ZNF280D: variants seen among roughly 807,000 people sequenced by gnomAD.
ZNF280D encodes the protein zinc finger protein 280D.
Under a neutral mutation model 94.7 loss-of-function variants are expected in ZNF280D, and 39 were observed. The observed-to-expected ratio is 0.41, with a 90% CI of 0.32 to 0.54. ZNF280D has a LOEUF of 0.54. Among genes scored for constraint, ZNF280D ranks in the 20% least tolerant of loss-of-function variants. ZNF280D has a pLI of 0.22. For synonymous variants in ZNF280D, 398 were observed against 377.6 expected (o/e 1.05, Z -0.63); for missense variants, 1,090 against 1,149.3 (o/e 0.95, Z 0.75).
intron 1 of ZNF280D, among the ~76,000 whole-genome samples, chr15:56,710,661 TA>T (rs141962435): frequency 0.046 from 7,023 of 152,040 alleles, 230 homozygotes; most frequent in South Asian, 0.15. Context: ...ATTTTTTCTA[TA>T]AAAAAAATTA....
intron 1 of ZNF280D, among the ~76,000 whole-genome samples, chr15:56,732,390 T>C (rs1274135401): frequency 6.6e-6 from 1 of 152,214 alleles, no homozygotes; most frequent in Admixed American, 6.5e-5. Context: ...AACAATGGTA[T>C]AAGCAAACCA....
Position 56,658,486 on chromosome 15 carries a change from G to A in ZNF280D, c.1995C>T (p.Ser665=). The A allele has an allele frequency of 6.4e-7, 1 of 1,561,414 alleles. No homozygotes were observed. Among genetic ancestry groups the A allele is most frequent in the Non-Finnish European group, 8.6e-7 (1 of 1,160,228 alleles). ...TTTTGCTTGGACGGTTACTATGAAA[G>A]CTGGAGAAACAAAAGAGATAGTAAA... The part of the protein sequence containing the change: ...CSKAYVNHMM[S]FHSNRPSKRF... Residue 665 remains serine (S), a splice_region_variant and synonymous_variant, in exon 17 of 22, where the codon AGC becomes AGT. Coordinates refer to ENST00000267807, the MANE Select transcript of ZNF280D (RefSeq NM_017661.4).
chr15:56,680,411 T>G (rs1476442344), intron 10 of ZNF280D, among the ~76,000 whole-genome samples: 3 of 152,222 alleles, frequency 2.0e-5, no homozygotes, highest in Non-Finnish European at 2.9e-5. Context: ...TCTTAAAATC[T>G]GTAAATATTA....
intron 20 of ZNF280D, among the ~76,000 whole-genome samples, chr15:56,636,462 A>G (rs142908609): frequency 2.5e-4 from 38 of 151,406 alleles, no homozygotes; most frequent in African/African-American, 9.2e-4. Flanking sequence ...CAAAGAGGCT[A>G]AAACTTAACT....
chr15:56,693,545 A>G lies in ZNF280D; in HGVS notation c.382-330T>C, dbSNP rs535195016. On this transcript the variant is annotated intron_variant, in intron 6 of 21. Transcript: ENST00000267807. ...TCAACTTCTTCAAGGTAAAAGAAAC[A>G]TAAATCAACTTATATATCAGTAAGA... 2.0e-3 allele frequency among the ~76,000 whole-genome samples: 309 copies of G among 152,216 alleles called. 3 individuals are homozygous for G. Among genetic ancestry groups the G allele is most frequent in the Middle Eastern group, 6.8e-3 (2 of 292 alleles).
intron 19 of ZNF280D, chr15:56,652,868 G>A (rs2053291203): frequency 1.0e-6 from 1 of 984,164 alleles, no homozygotes; most frequent in South Asian, 4.7e-5. Flanking sequence ...CAAATAGGCA[G>A]CTACACAAAA....
chr15:56,652,041 G>GAA (rs1323273747), intron 19 of ZNF280D, among the ~76,000 whole-genome samples: 1 of 92,422 alleles, frequency 1.1e-5, no homozygotes. Context: ...AGACAAATAA[G>GAA]AAAAAAAAAA....
intron 10 of ZNF280D, among the ~76,000 whole-genome samples, chr15:56,680,256 C>T (rs1292565795): frequency 6.6e-6 from 1 of 152,076 alleles, no homozygotes; most frequent in East Asian, 1.9e-4. Context: ...ATCAAGTTGC[C>T]TTCCCAGTTT....
At position 56,722,542 on chromosome 15, in the gene ZNF280D, T is replaced by C. The variant is rs113068472; in HGVS notation, c.-86+10916A>G. Among the ~76,000 whole-genome samples the C allele has an allele frequency of 6.4e-4, 98 of 152,296 alleles. 5 individuals are homozygous for C. The highest frequency in any genetic ancestry group is 2.2e-3 in the African/African-American group (91 of 41,564). On this transcript the variant is annotated intron_variant, in intron 1 of 21. Coordinates refer to ENST00000267807, the MANE Select transcript of ZNF280D (RefSeq NM_017661.4). The stretch of plus-strand genomic sequence containing the variant: ...TTCAACTAATAAATAAAATGTGGTG[T>C]ATCAAGAATGGCAATCATTAAAAAG...
intron 21 of ZNF280D, among the ~76,000 whole-genome samples, chr15:56,632,622 A>C (rs1302683175): frequency 2.0e-5 from 3 of 151,160 alleles, no homozygotes; most frequent in Non-Finnish European, 4.4e-5. Context: ...CAGCCTCCCA[A>C]GTAGCTAGGA....
chr15:56,660,634 T>A (rs1032671565), intron 16 of ZNF280D, among the ~76,000 whole-genome samples: 5 of 152,036 alleles, frequency 3.3e-5, no homozygotes, highest in Admixed American at 6.6e-5. Flanking sequence ...CTAAGAAAGG[T>A]TTTTTATTAC....
In ZNF280D at chr15:56,693,172, G is replaced by A; in HGVS notation, c.425C>T (p.Ser142Leu). The change falls in exon 7 of 22, where the codon TCA becomes TTA. Residue 142 changes from serine to leucine, a missense_variant. Ser to Leu is a moderately radical substitution (Grantham distance 145, BLOSUM62 -2). Around this residue, in one of 3 missense-constraint regions of ZNF280D, gnomAD observed 386 missense variants for 372.0 expected, o/e 1.04. Transcript: ENST00000267807. ...NSSRVVSNKS[S>L]ELLFDLTQDT... ...CTGGGTCAAGTCAAACAGTAACTCT[G>A]ATGACTTATTAGACACAACTCGTGA... 1 of 1,601,978 alleles carries A rather than the reference G, an allele frequency of 6.2e-7. No homozygotes were observed. The highest frequency in any genetic ancestry group is 8.5e-7 in the Non-Finnish European group (1 of 1,174,808).
At chr15:56,697,048 T>C (rs1349117424) in intron 6 of ZNF280D, among the ~76,000 whole-genome samples, 2 of 152,200 alleles carry the variant, frequency 1.3e-5, no homozygotes, top group African/African-American at 4.8e-5. Flanking sequence ...TAATGTTTTG[T>C]TTTTCTATTT....
intron 1 of ZNF280D, among the ~76,000 whole-genome samples, chr15:56,725,184 C>T (rs1268775273): frequency 6.6e-6 from 1 of 151,946 alleles, no homozygotes; most frequent in African/African-American, 2.4e-5. Flanking sequence ...ATAGACTGAT[C>T]ATCTTTGCTT....
chr15:56,663,153 C>T lies in ZNF280D; in HGVS notation c.1994+3242G>A, dbSNP rs1596395818. ...AAAAAATTATCTGAGCATGGTAGTG[C>T]ATGCCTGTAAGTCCCAGCTACTCAA... is the stretch of plus-strand genomic sequence containing the variant. On this transcript the variant is annotated intron_variant, in intron 16 of 21. Transcript: ENST00000267807. 2.6e-5 allele frequency among the ~76,000 whole-genome samples: 4 copies of T among 151,084 alleles called. No individual in the cohort carries two copies. In the South Asian group the frequency reaches 8.4e-4, roughly 32 times the overall value.
At chr15:56,676,553 AGT>A in intron 13 of ZNF280D, 115 bp downstream of exon 13, 2 of 815,420 alleles carry the variant, frequency 2.5e-6, no homozygotes, top group Non-Finnish European at 3.5e-6. Context: ...GTAAATTAAT[AGT>A]GTCATTTGGA....
At chr15:56,703,439 A>G (rs1210245076) in intron 4 of ZNF280D, among the ~76,000 whole-genome samples, 3 of 152,202 alleles carry the variant, frequency 2.0e-5, no homozygotes, top group Non-Finnish European at 2.9e-5. Context: ...TGGATGTGAG[A>G]AGTCCCGTTT....
intron 9 of ZNF280D, among the ~76,000 whole-genome samples, chr15:56,684,774 A>T (rs562696175): frequency 1.3e-5 from 2 of 152,214 alleles, no homozygotes; most frequent in Admixed American, 1.3e-4. Flanking sequence ...GAAAGAAGAT[A>T]AAACAAATTC....
rs538570176 is a variant in ZNF280D at position 56,732,003 on chromosome 15, A to G, written c.-86+1455T>C. Among the ~76,000 whole-genome samples the G allele has an allele frequency of 1.7e-4, 26 of 152,286 alleles. 1 individual carries two copies. The South Asian group carries it at 5.4e-3, about 32-fold the overall frequency. ...TGGGCAACATAACAACCGCATTTCAAAAGTAAAGTATAAAAATATCAACGA... is the reference window on the plus strand; with the variant it reads ...TGGGCAACATAACAACCGCATTTCAGAAGTAAAGTATAAAAATATCAACGA... On this transcript the variant is annotated intron_variant, in intron 1 of 21. Transcript: ENST00000267807.
Sources: gnomAD v4.1 joint callset for allele counts (sites outside exome capture counted in the v4.1 genomes callset) on GRCh38, gnomAD v4.1.1 for gene constraint, gnomAD v4.1.1 regional missense constraint, MANE v1.5 for transcripts, NCBI Gene and HGNC (gene_info 2026-07-23, HGNC 2026-07-21) for gene names.